TNS1: variants seen among roughly 807,000 people sequenced by gnomAD.
The protein encoded by TNS1 is tensin 1, also known as tensin-1.
Under a neutral mutation model 168.6 loss-of-function variants are expected in TNS1, and 62 were observed. That is an observed-to-expected ratio of 0.37 (90% CI 0.30 to 0.45). The LOEUF is 0.45. Ranked by LOEUF, TNS1 falls within the 20% of genes least tolerant of loss-of-function variation. The probability of loss-of-function intolerance (pLI) is 1.00; values close to 1 mark genes in which losing one functional copy is unlikely to be tolerated. For synonymous variants in TNS1, 934 were observed against 933.2 expected (o/e 1.00, Z -0.02); for missense variants, 2,240 against 2,339.4 (o/e 0.96, Z 0.88).
At chr2:217,955,522 C>T (rs1022917519) in intron 3 of TNS1, among the ~76,000 whole-genome samples, 9 of 152,152 alleles carry the variant, frequency 5.9e-5, no homozygotes, top group African/African-American at 1.9e-4. Context: ...GCACAGTGCC[C>T]GTCCACCACC....
intron 4 of TNS1, among the ~76,000 whole-genome samples, chr2:217,914,448 C>T (rs556001441): frequency 8.5e-5 from 13 of 152,202 alleles, no homozygotes; most frequent in Non-Finnish European, 1.6e-4. Context: ...GGAGCTGGTG[C>T]TTCCATCAGC....
intron 4 of TNS1, among the ~76,000 whole-genome samples, chr2:217,909,552 C>T (rs1954111718): frequency 6.7e-6 from 1 of 148,368 alleles, no homozygotes; most frequent in South Asian, 2.1e-4. Flanking sequence ...GGGCTGTTGA[C>T]CCACAGGTGC....
chr2:218,006,017 G>A (rs1958654143), upstream of TNS1, among the ~76,000 whole-genome samples: 1 of 152,210 alleles, frequency 6.6e-6, no homozygotes, highest in South Asian at 2.1e-4. Context: ...CACACTGGAG[G>A]ACTGGCTGGG....
chr2:217,815,063 AG>A (rs1285628103), intron 24 of TNS1, 65 bp from the exon 25 acceptor site: 4 of 1,332,116 alleles, frequency 3.0e-6, no homozygotes, highest in Non-Finnish European at 4.3e-6. Context: ...CATACATCAA[AG>A]TCCTGGCCCC....
At chr2:217,834,985 G>A (rs1012283553) in intron 21 of TNS1, 106 bp downstream of exon 21, 10 of 954,588 alleles carry the variant, frequency 1.0e-5, no homozygotes, top group Admixed American at 5.9e-5. Flanking sequence ...CCCCACCTGG[G>A]GCACTGTCAC....
At chr2:218,015,268 C>T (rs1409184885), upstream of TNS1, among the ~76,000 whole-genome samples, 1 of 152,126 alleles carries the variant, frequency 6.6e-6, no homozygotes, top group Non-Finnish European at 1.5e-5. Flanking sequence ...GGTGCCAGAA[C>T]TGGAAGGAGG....
At chr2:217,883,743 T>C (rs1013830518) in intron 16 of TNS1, among the ~76,000 whole-genome samples, 5 of 152,240 alleles carry the variant, frequency 3.3e-5, no homozygotes, top group African/African-American at 1.2e-4. Flanking sequence ...TGTACTGTAA[T>C]TATGATGGCA....
In TNS1 at chr2:217,890,955, G is replaced by A; in HGVS notation, c.866+7C>T. Reference sequence around the variant, plus strand: ...CATGCAAGGGGCTGTGAGCCCCAGAGACCCACCTTCTTTGGGATGGCTGGC... The same window carrying A: ...CATGCAAGGGGCTGTGAGCCCCAGAAACCCACCTTCTTTGGGATGGCTGGC... On this transcript the variant is annotated splice_region_variant and intron_variant, in intron 12 of 32. Transcript: ENST00000682258. 6.2e-7 allele frequency: 1 copy of A among 1,614,120 alleles called. No individual in the cohort carries two copies. The highest frequency in any genetic ancestry group is 2.2e-5 in the East Asian group (1 of 44,872).
chr2:217,907,097 G>C, intron 5 of TNS1, 113 bp downstream of exon 5: 1 of 657,826 alleles, frequency 1.5e-6, no homozygotes, highest in Non-Finnish European at 2.8e-6. Context: ...TACTCCGGAA[G>C]CATTTCCCCA....
In TNS1 at chr2:217,818,307, G is replaced by A. The variant is rs757557810; in HGVS notation, c.4025C>T (p.Ala1342Val). Residue 1342 changes from alanine (A) to valine (V), a missense_variant, in exon 24 of 33, where the codon GCG becomes GTG. Transcript: ENST00000682258. ...STVSSPQSSA[A>V]TTPGSPSLCR... ...CAGGCTGGGGCTCCCCGGGGTGGTCGCTGCACTGCTCTGGGGGCTGGAGAC... is the reference window on the plus strand; with the variant it reads ...CAGGCTGGGGCTCCCCGGGGTGGTCACTGCACTGCTCTGGGGGCTGGAGAC... The A allele has an allele frequency of 1.5e-5, 25 of 1,613,528 alleles. No homozygotes were observed. The highest frequency in any genetic ancestry group is 7.7e-5 in the South Asian group (7 of 91,042).
chr2:217,841,940 T>C, intron 19 of TNS1: 1 of 625,594 alleles, frequency 1.6e-6, no homozygotes, highest in Non-Finnish European at 2.9e-6. Flanking sequence ...GGACCTGCTA[T>C]GTTATCCTTT....
chr2:217,806,505 TG>T (rs1404028053), intron 32 of TNS1, among the ~76,000 whole-genome samples: 1 of 152,180 alleles, frequency 6.6e-6, no homozygotes, highest in East Asian at 1.9e-4. Flanking sequence ...TTTCCAGGCT[TG>T]GGGGCCCAGT....
At chr2:217,905,671 A>G (rs3791932) in intron 6 of TNS1, among the ~76,000 whole-genome samples, 137 of 152,298 alleles carry the variant, frequency 9.0e-4, no homozygotes, top group East Asian at 4.3e-3. Flanking sequence ...AGGGAAGAAA[A>G]GACAAAGCCC....
chr2:218,004,825 T>C (rs1036860749), upstream of TNS1, among the ~76,000 whole-genome samples: 4 of 152,226 alleles, frequency 2.6e-5, no homozygotes, highest in Non-Finnish European at 4.4e-5. Flanking sequence ...AATGTCCCTC[T>C]GGACCCCCTA....
upstream of TNS1, among the ~76,000 whole-genome samples, chr2:218,003,186 C>T (rs1054313585): frequency 6.6e-6 from 1 of 151,274 alleles, no homozygotes; most frequent in Non-Finnish European, 1.5e-5. Flanking sequence ...AGAGGCAGGG[C>T]CCCCCCAGGC....
rs114373917 is a variant in TNS1 at position 217,946,274 on chromosome 2, G to A, written c.187-26038C>T. On this transcript the variant is annotated intron_variant, in intron 3 of 32. Transcript: ENST00000682258. ...CCTCCTCTGAGCACCTGGGGCTTCC[G>A]CGGCTCACTAACGCCCTGACATGCA... Among the ~76,000 whole-genome samples, 1,192 of 152,216 alleles carry A rather than the reference G, an allele frequency of 7.8e-3. 11 individuals are homozygous for A. Among genetic ancestry groups the A allele is most frequent in the African/African-American group, 0.022 (893 of 41,510 alleles).
In TNS1 at chr2:217,920,257, G is replaced by C. The variant is rs574736374; in HGVS notation, c.187-21C>G. ...GCCACCTGTGGAAGGAACAGAGAAC[G>C]GGCAGGTGAGCATATCTTGTCTCTA... On this transcript the variant is annotated intron_variant, in intron 3 of 32. Transcript: ENST00000682258. 280 of 702,970 alleles carry C rather than the reference G, an allele frequency of 4.0e-4. No individual in the cohort carries two copies. The African/African-American group carries it at 4.3e-3, about 11-fold the overall frequency. The allele number at this position is 702,970 out of a possible 1,614,324, so 43.5% of individuals were successfully genotyped here. A position where few individuals can be genotyped will look rare whatever the true frequency, so the allele number is the denominator to read the frequency against.
intron 19 of TNS1, among the ~76,000 whole-genome samples, chr2:217,844,508 C>T (rs1476641987): frequency 6.6e-6 from 1 of 152,182 alleles, no homozygotes; most frequent in East Asian, 1.9e-4. Flanking sequence ...ATCTACTTGC[C>T]ATTCTCCAAA....
chr2:217,920,563 A>ATTTTTTTTTTTTTTTTTTTT (rs35026780), intron 3 of TNS1, among the ~76,000 whole-genome samples: 3 of 135,922 alleles, frequency 2.2e-5, no homozygotes, highest in Non-Finnish European at 3.2e-5. Context: ...AAGAAGAAGG[A>ATTTTTTTTTTTTTTTTTTTT]TTTTTTTTTT....
Sources: gnomAD v4.1 joint callset for allele counts (sites outside exome capture counted in the v4.1 genomes callset) on GRCh38, gnomAD v4.1.1 for gene constraint, MANE v1.5 for transcripts, NCBI Gene and HGNC (gene_info 2026-07-23, HGNC 2026-07-21) for gene names.